ZNF277: variants seen among roughly 807,000 people sequenced by gnomAD.
ZNF277 encodes zinc finger protein 277.
In ZNF277, 55 loss-of-function variants were observed where a neutral mutation model predicts 60.7. That is an observed-to-expected ratio of 0.91 (90% CI 0.73 to 1.13). The LOEUF (loss-of-function observed/expected upper bound fraction) is 1.13, where lower values mean the gene tolerates loss of function less well. ZNF277 is among the 50% of genes most tolerant of loss of function. The probability of loss-of-function intolerance (pLI) is 0.00; values close to 1 mark genes in which losing one functional copy is unlikely to be tolerated. For missense variants in ZNF277, 510 were observed against 523.0 expected (o/e 0.98, Z 0.24); for synonymous variants, 178 against 179.3 (o/e 0.99, Z 0.06).
chr7:112,301,596 T>G (rs1345995385), intron 4 of ZNF277, among the ~76,000 whole-genome samples: 2 of 152,154 alleles, frequency 1.3e-5, no homozygotes, highest in African/African-American at 2.4e-5. Context: ...CTTCATGAAC[T>G]AGGAATGGCA....
intron 1 of ZNF277, among the ~76,000 whole-genome samples, chr7:112,283,294 A>G (rs1791988672): frequency 1.3e-5 from 2 of 152,204 alleles, no homozygotes; most frequent in African/African-American, 4.8e-5. Flanking sequence ...TTGGGAGGCC[A>G]AGGCAGGAGG....
intron 1 of ZNF277, among the ~76,000 whole-genome samples, chr7:112,266,017 G>A (rs1791541929): frequency 6.6e-6 from 1 of 152,176 alleles, no homozygotes; most frequent in Non-Finnish European, 1.5e-5. Flanking sequence ...GCTACTAGAG[G>A]CAGATACTTT....
chr7:112,226,748 G>A (rs765467092), intron 1 of ZNF277, among the ~76,000 whole-genome samples: 2 of 151,954 alleles, frequency 1.3e-5, no homozygotes, highest in African/African-American at 2.4e-5. Flanking sequence ...CTCTGTGTGT[G>A]GTATCATTGT....
intron 1 of ZNF277, among the ~76,000 whole-genome samples, chr7:112,228,768 A>G (rs1822244744): frequency 6.6e-6 from 1 of 151,918 alleles, no homozygotes; most frequent in Non-Finnish European, 1.5e-5. Flanking sequence ...TATGCATACA[A>G]CCCCTGAAAT....
At chr7:112,329,615 G>A (rs763238432) in intron 6 of ZNF277, among the ~76,000 whole-genome samples, 3 of 152,122 alleles carry the variant, frequency 2.0e-5, no homozygotes, top group Non-Finnish European at 4.4e-5. Context: ...AATGGCAACA[G>A]AGAAGGGAAG....
chr7:112,279,059 G>T (rs990736426), intron 1 of ZNF277, among the ~76,000 whole-genome samples: 3 of 152,064 alleles, frequency 2.0e-5, no homozygotes, highest in African/African-American at 7.2e-5. Context: ...TTTAAAAAAG[G>T]CTGAATACTA....
At chr7:112,283,284 T>G (rs1791988313) in intron 1 of ZNF277, among the ~76,000 whole-genome samples, 1 of 152,176 alleles carries the variant, frequency 6.6e-6, no homozygotes, top group Non-Finnish European at 1.5e-5. Context: ...TCCCAGCACT[T>G]TGGGAGGCCA....
chr7:112,218,522 A>G (rs190421954), intron 1 of ZNF277, among the ~76,000 whole-genome samples: 1 of 152,088 alleles, frequency 6.6e-6, no homozygotes, highest in East Asian at 1.9e-4. Context: ...AGTATACATT[A>G]CAGTGTTATT....
intron 1 of ZNF277, among the ~76,000 whole-genome samples, chr7:112,215,587 G>A (rs1821858619): frequency 6.6e-6 from 1 of 152,212 alleles, no homozygotes; most frequent in African/African-American, 2.4e-5. Context: ...GGATGAAGTG[G>A]ATACATTTGA....
At chr7:112,253,264 T>G (rs1396716144) in intron 1 of ZNF277, among the ~76,000 whole-genome samples, 1 of 152,158 alleles carries the variant, frequency 6.6e-6, no homozygotes, top group African/African-American at 2.4e-5. Context: ...TCTTCTAAAA[T>G]CAAAGAACTG....
intron 4 of ZNF277, among the ~76,000 whole-genome samples, chr7:112,299,842 G>A (rs185210713): frequency 2.0e-5 from 3 of 152,126 alleles, no homozygotes; most frequent in Non-Finnish European, 2.9e-5. Context: ...GTATTAGTAG[G>A]GCATTTGCTG....
intron 1 of ZNF277, among the ~76,000 whole-genome samples, chr7:112,236,686 A>T (rs1336402681): frequency 6.6e-6 from 1 of 152,150 alleles, no homozygotes; most frequent in Non-Finnish European, 1.5e-5. Flanking sequence ...ACGAGTCCTC[A>T]TTCACTATTT....
rs191794977 is a variant in ZNF277 at position 112,208,248 on chromosome 7, G to A, written c.91+1441G>A. 4.4e-4 allele frequency among the ~76,000 whole-genome samples: 67 copies of A among 151,948 alleles called. 1 individual carries two copies. The highest frequency in any genetic ancestry group is 2.1e-4 in the Non-Finnish European group (14 of 67,930). ...AAATTAGCCGGGCGTGGTGGCGGAT[G>A]CCTGTAGTCCCAGCTACTCGGGAGG... On this transcript the variant is annotated intron_variant, in intron 1 of 11. Transcript: ENST00000361822.
rs1324126919 is a variant in ZNF277 at position 112,296,270 on chromosome 7, G to T, written c.424G>T (p.Glu142Ter). Residue 142 changes from glutamate to a stop codon, truncating the protein, a stop_gained, in exon 4 of 12, where the codon GAA becomes TAA. Transcript: ENST00000361822. LOFTEE classifies it high-confidence loss of function. Reference protein sequence around the residue: ...NYFLLCDVLPEDRILREELQK... With the variant: ...NYFLLCDVLP ...TTTTTTGTTATGTGACGTTTTACCA[G>T]AAGATAGAATTCTTAGAGAAGAGCT... 6.3e-7 allele frequency: 1 copy of T among 1,593,434 alleles called. No homozygotes were observed. The highest frequency in any genetic ancestry group is 1.8e-5 in the Admixed American group (1 of 55,204).
chr7:112,297,604 G>C (rs1263227810), intron 4 of ZNF277, among the ~76,000 whole-genome samples: 1 of 152,178 alleles, frequency 6.6e-6, no homozygotes, highest in African/African-American at 2.4e-5. Context: ...TCTAAGAAAA[G>C]TTTTCCTGTA....
In ZNF277 at chr7:112,330,228, T is replaced by C; in HGVS notation, c.801+12T>C. ...TCATCAATTATTTGGTAAGGCTTTC[T>C]TTTCATAACTTAAAATTTGATTGCA... is the stretch of plus-strand genomic sequence containing the variant. On this transcript the variant is annotated intron_variant, in intron 7 of 11. Transcript: ENST00000361822. 1 of 1,610,986 alleles carries C rather than the reference T, an allele frequency of 6.2e-7. No homozygotes were observed. The highest frequency in any genetic ancestry group is 8.5e-7 in the Non-Finnish European group (1 of 1,179,500).
chr7:112,282,505 C>A (rs117311140), intron 1 of ZNF277, among the ~76,000 whole-genome samples: 1 of 152,238 alleles, frequency 6.6e-6, no homozygotes, highest in Non-Finnish European at 1.5e-5. Context: ...TGTGCTATCT[C>A]CCCAGCCAGG....
chr7:112,233,937 G>C (rs1474208507), intron 1 of ZNF277, among the ~76,000 whole-genome samples: 1 of 150,580 alleles, frequency 6.6e-6, no homozygotes, highest in Non-Finnish European at 1.5e-5. Flanking sequence ...TTTTTTTTCA[G>C]TTATGCTAAC....
chr7:112,332,737 T>G (rs1793252152), intron 7 of ZNF277, among the ~76,000 whole-genome samples: 1 of 152,126 alleles, frequency 6.6e-6, no homozygotes, highest in African/African-American at 2.4e-5. Context: ...GTAAGAATGA[T>G]TAACAAAAAA....
Sources: allele counts gnomAD v4.1 joint callset (sites outside exome capture counted in the v4.1 genomes callset), GRCh38; gene constraint gnomAD v4.1.1; transcripts MANE v1.5; gene names NCBI Gene and HGNC (gene_info 2026-07-23, HGNC 2026-07-21).